GABBR2: variants seen among roughly 807,000 people sequenced by gnomAD.
The protein encoded by GABBR2 is G-protein coupled receptor 51.
In GABBR2, 23 loss-of-function variants were observed where a neutral mutation model predicts 105.6. That is an observed-to-expected ratio of 0.22 (90% CI 0.16 to 0.31). GABBR2 has a LOEUF of 0.31. GABBR2 is among the 10% of genes least tolerant of loss of function. The pLI, the probability that GABBR2 is intolerant of heterozygous loss-of-function variation, is 1.00. For missense variants in GABBR2, 734 were observed against 1,245.5 expected (o/e 0.59, Z 6.18); for synonymous variants, 478 against 499.7 (o/e 0.96, Z 0.58).
chr9:98,408,022 T>C (rs561695462), intron 7 of GABBR2, among the ~76,000 whole-genome samples: 1 of 152,322 alleles, frequency 6.6e-6, no homozygotes, highest in East Asian at 1.9e-4. Flanking sequence ...TTCCAGAACA[T>C]CTCTGAATTA....
chr9:98,446,515 T>C (rs965091069), intron 7 of GABBR2, among the ~76,000 whole-genome samples: 1 of 152,178 alleles, frequency 6.6e-6, no homozygotes, highest in Non-Finnish European at 1.5e-5. Flanking sequence ...TCCTGGGCAA[T>C]GGTACATTTC....
At chr9:98,576,070 T>G (rs1180785731) in intron 2 of GABBR2, among the ~76,000 whole-genome samples, 1 of 152,176 alleles carries the variant, frequency 6.6e-6, no homozygotes, top group Non-Finnish European at 1.5e-5. Context: ...CACCTCTCTT[T>G]CATCACACCT....
At chr9:98,466,000 T>C (rs1826542969) in intron 6 of GABBR2, among the ~76,000 whole-genome samples, 1 of 152,134 alleles carries the variant, frequency 6.6e-6, no homozygotes, top group South Asian at 2.1e-4. Flanking sequence ...TCTCACAAGA[T>C]CGGGTTGTTT....
intron 1 of GABBR2, among the ~76,000 whole-genome samples, chr9:98,643,620 C>A (rs373858483): frequency 6.6e-6 from 1 of 152,196 alleles, no homozygotes; most frequent in Non-Finnish European, 1.5e-5. Flanking sequence ...AATATTCATA[C>A]CTTCTTCTTC....
intron 1 of GABBR2, among the ~76,000 whole-genome samples, chr9:98,667,347 G>A (rs1392900486): frequency 1.3e-5 from 2 of 152,142 alleles, no homozygotes; most frequent in Non-Finnish European, 2.9e-5. Context: ...CAGGAGCACT[G>A]GGTGGGGTGG....
chr9:98,473,657 C>G (rs1454519519), intron 5 of GABBR2, among the ~76,000 whole-genome samples: 1 of 152,148 alleles, frequency 6.6e-6, no homozygotes, highest in Non-Finnish European at 1.5e-5. Flanking sequence ...TCATCATTAG[C>G]TGCAAATTTC....
intron 1 of GABBR2, among the ~76,000 whole-genome samples, chr9:98,685,709 T>G (rs1480086032): frequency 6.6e-6 from 1 of 152,200 alleles, no homozygotes; most frequent in Non-Finnish European, 1.5e-5. Context: ...ATTTTATTTT[T>G]AAAGACAGGA....
intron 7 of GABBR2, among the ~76,000 whole-genome samples, chr9:98,422,549 G>A (rs1288426907): frequency 2.0e-5 from 3 of 149,810 alleles, no homozygotes; most frequent in Admixed American, 6.6e-5. Flanking sequence ...TGTGATGGAG[G>A]TGACCTAGAG....
chr9:98,301,286 T>C (rs1830464831), intron 16 of GABBR2, among the ~76,000 whole-genome samples: 2 of 152,210 alleles, frequency 1.3e-5, no homozygotes, highest in South Asian at 4.1e-4. Flanking sequence ...GATCTGAAGC[T>C]ATCTCTAGAT....
At chr9:98,365,432 A>T (rs1363535117) in intron 12 of GABBR2, among the ~76,000 whole-genome samples, 1 of 152,238 alleles carries the variant, frequency 6.6e-6, no homozygotes, top group African/African-American at 2.4e-5. Flanking sequence ...TACTAGACAC[A>T]AGACTAATCA....
intron 5 of GABBR2, among the ~76,000 whole-genome samples, chr9:98,477,869 C>T (rs1826826345): frequency 6.6e-6 from 1 of 152,096 alleles, no homozygotes; most frequent in South Asian, 2.1e-4. Context: ...TCATTTAAGC[C>T]TCTCGACAAC....
chr9:98,344,415 G>A (rs1831269810), intron 13 of GABBR2, among the ~76,000 whole-genome samples: 1 of 152,158 alleles, frequency 6.6e-6, no homozygotes, highest in South Asian at 2.1e-4. Context: ...TATCTGAAAT[G>A]CAGAAACAGC....
rs570736120 is a variant in GABBR2, at chr9:98,618,167, C to T, written c.322-40095G>A. Among the ~76,000 whole-genome samples, 3 of 152,298 alleles carry T rather than the reference C, an allele frequency of 2.0e-5. No individual in the cohort carries two copies. The South Asian group carries it at 6.2e-4, about 32-fold the overall frequency. ...TCAGGGCTAACCGATCCTGCAGCTC[C>T]AGTTCTCTGGTCTCAGACTTCATGA... is the stretch of plus-strand genomic sequence containing the variant. On this transcript the variant is annotated intron_variant, in intron 1 of 18. Coordinates refer to ENST00000259455, the MANE Select transcript of GABBR2 (RefSeq NM_005458.8).
chr9:98,464,023 G>C (rs1026577937), intron 6 of GABBR2, among the ~76,000 whole-genome samples: 1 of 152,218 alleles, frequency 6.6e-6, no homozygotes, highest in Non-Finnish European at 1.5e-5. Context: ...GCCTCCCAAA[G>C]TGCTAAGATT....
At chr9:98,428,535 A>C (rs1825739659) in intron 7 of GABBR2, among the ~76,000 whole-genome samples, 1 of 152,166 alleles carries the variant, frequency 6.6e-6, no homozygotes, top group African/African-American at 2.4e-5. Flanking sequence ...GGAAGAAGAA[A>C]AGTAGAGAGA....
chr9:98,512,816 A>C (rs534904391), intron 3 of GABBR2, among the ~76,000 whole-genome samples: 1 of 152,212 alleles, frequency 6.6e-6, no homozygotes, highest in Non-Finnish European at 1.5e-5. Context: ...ATATCGTGCA[A>C]ATGGCCACAC....
chr9:98,432,334 G>C (rs1002109151), intron 7 of GABBR2, among the ~76,000 whole-genome samples: 2 of 152,228 alleles, frequency 1.3e-5, no homozygotes, highest in African/African-American at 4.8e-5. Flanking sequence ...TTTCACGGGG[G>C]TGGAGTCAGC....
At chr9:98,616,469 G>C (rs116517995) in intron 1 of GABBR2, among the ~76,000 whole-genome samples, 1,843 of 152,290 alleles carry the variant, frequency 0.012, 41 homozygotes, top group African/African-American at 0.043. Flanking sequence ...CTTAAGAAAA[G>C]TTGGCCGGAT....
At chr9:98,476,484 C>T (rs189570714) in intron 5 of GABBR2, among the ~76,000 whole-genome samples, 1 of 152,194 alleles carries the variant, frequency 6.6e-6, no homozygotes, top group Non-Finnish European at 1.5e-5. Context: ...CCCACTTTTC[C>T]CATGGACAGA....
Sources: allele counts gnomAD v4.1 joint callset (sites outside exome capture counted in the v4.1 genomes callset), GRCh38; gene constraint gnomAD v4.1.1; transcripts MANE v1.5; gene names NCBI Gene and HGNC (gene_info 2026-07-23, HGNC 2026-07-21).